The following FGF10 variants were observed in gnomAD, a reference collection of about 807,000 sequenced individuals.
FGF10 encodes the protein fibroblast growth factor 10, also known as FGF-10.
In FGF10, 2 loss-of-function variants were observed where a neutral mutation model predicts 19.8. That is an observed-to-expected ratio of 0.10 (90% CI 0.04 to 0.32). The LOEUF is 0.32. FGF10 is among the 10% of genes least tolerant of loss of function. The pLI, the probability that FGF10 is intolerant of heterozygous loss-of-function variation, is 1.00. For synonymous variants in FGF10, 112 were observed against 94.0 expected (o/e 1.19, Z -1.10); for missense variants, 191 against 246.3 (o/e 0.78, Z 1.50).
At chr5:44,305,825 C>A (rs1740064038) in intron 2 of FGF10, among the ~76,000 whole-genome samples, 1 of 152,078 alleles carries the variant, frequency 6.6e-6, no homozygotes. Context: ...CTCGTGAACT[C>A]TAGGGATTGA....
intron 1 of FGF10, among the ~76,000 whole-genome samples, chr5:44,348,021 C>T (rs534665979): frequency 2.0e-4 from 31 of 151,702 alleles, no homozygotes; most frequent in African/African-American, 7.0e-4. Flanking sequence ...AAGACTGCCA[C>T]GATTTGCTAT....
chr5:44,319,016 C>T (rs1029350853), intron 1 of FGF10, among the ~76,000 whole-genome samples: 8 of 152,142 alleles, frequency 5.3e-5, no homozygotes, highest in African/African-American at 1.9e-4. Flanking sequence ...TAATAGATGA[C>T]ATTGGGAAAT....
intron 1 of FGF10, among the ~76,000 whole-genome samples, chr5:44,362,504 CA>C (rs1467824395): frequency 1.3e-5 from 2 of 151,616 alleles, no homozygotes; most frequent in Non-Finnish European, 3.0e-5. Context: ...CAGCACAAAG[CA>C]ACTTACTATA....
At chr5:44,313,462 C>A (rs1379846757) in intron 1 of FGF10, among the ~76,000 whole-genome samples, 2 of 151,796 alleles carry the variant, frequency 1.3e-5, no homozygotes, top group African/African-American at 4.8e-5. Flanking sequence ...TATTTTGAAT[C>A]AAAACTAAAT....
chr5:44,388,216 A>T, intron 1 of FGF10, 142 bp downstream of exon 1: 2 of 808,390 alleles, frequency 2.5e-6, no homozygotes, highest in African/African-American at 1.7e-5. Context: ...GGGGTGAATT[A>T]GTGTGAAAGT....
At position 44,305,083 on chromosome 5, in the gene FGF10, A is replaced by G; in HGVS notation, c.539T>C (p.Leu180Ser). ...QHNGRQMYVALNGKGAPRRGQ... is the reference protein window; with the variant it reads ...QHNGRQMYVASNGKGAPRRGQ... ...TCTCCTTGGAGCTCCTTTTCCATTCAATGCCACATACATTTGCCTCCCATT... is the reference window on the plus strand; with the variant it reads ...TCTCCTTGGAGCTCCTTTTCCATTCGATGCCACATACATTTGCCTCCCATT... The change falls in exon 3 of 3, where the codon TTG (leucine) becomes TCG (serine). Residue 180 changes from leucine to serine, a missense_variant. Leu to Ser is a moderately radical substitution (Grantham distance 145, BLOSUM62 -2). Coordinates refer to ENST00000264664, the MANE Select transcript of FGF10 (RefSeq NM_004465.2). The G allele has an allele frequency of 6.2e-7, 1 of 1,613,998 alleles. No individual in the cohort carries two copies. Among genetic ancestry groups the G allele is most frequent in the Non-Finnish European group, 8.5e-7 (1 of 1,179,920 alleles).
chr5:44,337,552 T>G (rs572213684), intron 1 of FGF10, among the ~76,000 whole-genome samples: 1 of 152,384 alleles, frequency 6.6e-6, no homozygotes, highest in Middle Eastern at 3.4e-3. Context: ...TTCAGTTTGT[T>G]GAATTAAAAG....
At chr5:44,336,734 G>A (rs1207957822) in intron 1 of FGF10, among the ~76,000 whole-genome samples, 1 of 152,148 alleles carries the variant, frequency 6.6e-6, no homozygotes, top group Non-Finnish European at 1.5e-5. Flanking sequence ...TAAATGAGAT[G>A]ATGCCTTAAA....
intron 1 of FGF10, among the ~76,000 whole-genome samples, chr5:44,378,337 A>G (rs1741911035): frequency 6.6e-6 from 1 of 152,218 alleles, no homozygotes; most frequent in Non-Finnish European, 1.5e-5. Context: ...AGAAGTGCTC[A>G]ATCTGTTTCT....
intron 1 of FGF10, among the ~76,000 whole-genome samples, chr5:44,369,416 G>A (rs557659840): frequency 6.6e-6 from 1 of 152,146 alleles, no homozygotes; most frequent in South Asian, 2.1e-4. Flanking sequence ...TGAGGGCTAG[G>A]TTCCCGCCAA....
chr5:44,343,326 T>G (rs1188651498), intron 1 of FGF10, among the ~76,000 whole-genome samples: 1 of 152,042 alleles, frequency 6.6e-6, no homozygotes, highest in East Asian at 1.9e-4. Context: ...TAAAGCCTAT[T>G]GCTAATATTA....
intron 1 of FGF10, among the ~76,000 whole-genome samples, chr5:44,367,772 T>TA (rs1741652568): frequency 6.6e-6 from 1 of 151,712 alleles, no homozygotes. Flanking sequence ...AGGAGCTAGA[T>TA]ATCAGTAGTT....
chr5:44,360,137 G>A (rs1741446950), intron 1 of FGF10, among the ~76,000 whole-genome samples: 1 of 151,506 alleles, frequency 6.6e-6, no homozygotes, highest in African/African-American at 2.4e-5. Flanking sequence ...TCATGGAATA[G>A]CTTTTGCCAA....
intron 1 of FGF10, among the ~76,000 whole-genome samples, chr5:44,349,141 G>A (rs1467043144): frequency 6.6e-6 from 1 of 150,738 alleles, no homozygotes; most frequent in Non-Finnish European, 1.5e-5. Context: ...GGATACTTTG[G>A]TTACATTCTC....
At chr5:44,313,319 G>T (rs1167376643) in intron 1 of FGF10, among the ~76,000 whole-genome samples, 1 of 151,992 alleles carries the variant, frequency 6.6e-6, no homozygotes, top group East Asian at 1.9e-4. Context: ...TTTACTTTTT[G>T]TAAGGAATCA....
At position 44,368,050 on chromosome 5, in the gene FGF10, C is replaced by T. The variant is rs914850352; in HGVS notation, c.325+20308G>A. Among the ~76,000 whole-genome samples, 3 of 152,026 alleles carry T rather than the reference C, an allele frequency of 2.0e-5. No homozygotes were observed. The East Asian group carries it at 5.8e-4, about 30-fold the overall frequency. On this transcript the variant is annotated intron_variant, in intron 1 of 2. Coordinates refer to ENST00000264664, the MANE Select transcript of FGF10 (RefSeq NM_004465.2). ...ATAAAAATATGACTTTAATAACAAC[C>T]TATTCCAAATTCTAATTTTTCCCTT...
intron 1 of FGF10, among the ~76,000 whole-genome samples, chr5:44,319,930 T>A (rs1740444804): frequency 6.6e-6 from 1 of 151,930 alleles, no homozygotes; most frequent in South Asian, 2.1e-4. Context: ...GGTGAGTGAG[T>A]GAAGCTCCAT....
At chr5:44,359,756 A>G (rs976981658) in intron 1 of FGF10, among the ~76,000 whole-genome samples, 1 of 151,398 alleles carries the variant, frequency 6.6e-6, no homozygotes, top group African/African-American at 2.4e-5. Context: ...TACATGTGTA[A>G]TGGTCAAGTG....
chr5:44,338,460 G>T (rs1357269302), intron 1 of FGF10, among the ~76,000 whole-genome samples: 1 of 152,128 alleles, frequency 6.6e-6, no homozygotes, highest in Non-Finnish European at 1.5e-5. Context: ...GTGACCGGAG[G>T]TCTTCTGCCA....
Sources: allele counts gnomAD v4.1 joint callset (sites outside exome capture counted in the v4.1 genomes callset), GRCh38; gene constraint gnomAD v4.1.1; transcripts MANE v1.5; gene names NCBI Gene and HGNC (gene_info 2026-07-23, HGNC 2026-07-21).